JAK1: variants seen among roughly 807,000 people sequenced by gnomAD.
JAK1 encodes Janus kinase 1, also known as tyrosine-protein kinase JAK1.
A neutral mutation model predicts 136.6 loss-of-function variants in JAK1; 16 were observed. The ratio of observed to expected loss-of-function variants is 0.12; its 90% CI spans 0.08 to 0.18. The LOEUF is 0.18. Ranked by LOEUF, JAK1 falls within the 10% of genes least tolerant of loss-of-function variation. The pLI is 1.00. For synonymous variants in JAK1, 492 were observed against 519.5 expected (o/e 0.95, Z 0.72); for missense variants, 859 against 1,450.1 (o/e 0.59, Z 6.62).
At chr1:65,067,326 A>G (rs1422869468) in intron 1 of JAK1, among the ~76,000 whole-genome samples, 1 of 148,410 alleles carries the variant, frequency 6.7e-6, no homozygotes, top group Non-Finnish European at 1.5e-5. Context: ...GCCGAGCCCC[A>G]CGGCTGCGTG....
intron 12 of JAK1, among the ~76,000 whole-genome samples, chr1:64,848,914 C>T (rs1655412964): frequency 6.6e-6 from 1 of 152,248 alleles, no homozygotes; most frequent in Non-Finnish European, 1.5e-5. Context: ...GATGCATCCA[C>T]CCTGTCTGCT....
intron 12 of JAK1, 82 bp from the exon 13 acceptor site, chr1:64,847,757 C>T (rs890266501): frequency 6.8e-7 from 1 of 1,479,492 alleles, no homozygotes; most frequent in Non-Finnish European, 9.2e-7. Flanking sequence ...TCAATGGGAA[C>T]ATGGACTATC....
In JAK1 at chr1:64,894,913, C is replaced by G. The variant is rs372148462; in HGVS notation, c.-77-8572G>C. Among the ~76,000 whole-genome samples, 35 of 152,324 alleles carry G rather than the reference C, an allele frequency of 2.3e-4. 9 individuals are homozygous for G. The highest frequency in any genetic ancestry group is 3.9e-4 in the Admixed American group (6 of 15,298). ...TTTGAAACTGCCCTGCCAACAAAGA[C>G]TCCAATCTTAAACTGCTGGCAGAGC... On this transcript the variant is annotated intron_variant, in intron 1 of 24. Coordinates refer to ENST00000342505, the MANE Select transcript of JAK1 (RefSeq NM_002227.4).
rs1242022121 is a variant in JAK1 at position 64,843,257 on chromosome 1, C to T, written c.2403+807G>A. Among the ~76,000 whole-genome samples the T allele has an allele frequency of 3.3e-5, 5 of 152,316 alleles. No homozygotes were observed. In the East Asian group the frequency reaches 9.6e-4, roughly 29 times the overall value. On this transcript the variant is annotated intron_variant, in intron 17 of 24. Coordinates refer to ENST00000342505, the MANE Select transcript of JAK1 (RefSeq NM_002227.4). Reference sequence around the variant, plus strand: ...CCAGGCTCCCGACACAGCACTGAAACCAGGCTCTCACAGCCGAAACTGATG... The same window carrying T: ...CCAGGCTCCCGACACAGCACTGAAATCAGGCTCTCACAGCCGAAACTGATG...
At position 64,844,568 on chromosome 1, in the gene JAK1, C is replaced by T. The variant is rs1429934368; in HGVS notation, c.2251+186G>A. 2.0e-5 allele frequency among the ~76,000 whole-genome samples: 3 copies of T among 152,018 alleles called. No homozygotes were observed. Among genetic ancestry groups the T allele is most frequent in the Non-Finnish European group, 2.9e-5 (2 of 68,018 alleles). On this transcript the variant is annotated intron_variant, in intron 16 of 24. Transcript: ENST00000342505. This position sits in a 1 kb window ranked among gnomAD's most constrained non-coding sequence, Gnocchi z 5.7. The stretch of plus-strand genomic sequence containing the variant: ...CAGGGCAGGAGGACGAACGGGGGCT[C>T]GTTCAAGGACTTAAGAGAAGGCAGG...
intron 9 of JAK1, among the ~76,000 whole-genome samples, chr1:64,858,451 C>CAA (rs1656084514): frequency 6.6e-6 from 1 of 152,226 alleles, no homozygotes; most frequent in Non-Finnish European, 1.5e-5. Context: ...CATGCCTTTG[C>CAA]ATGTGCTGAC....
chr1:64,947,573 T>C (rs1646009569), intron 1 of JAK1, among the ~76,000 whole-genome samples: 3 of 151,252 alleles, frequency 2.0e-5, no homozygotes, highest in Admixed American at 2.0e-4. Context: ...TTGGAGTCCA[T>C]GAACCATGGG....
At chr1:65,058,848 C>T (rs1231034006) in intron 1 of JAK1, among the ~76,000 whole-genome samples, 1 of 152,092 alleles carries the variant, frequency 6.6e-6, no homozygotes, top group Non-Finnish European at 1.5e-5. Flanking sequence ...ACTGACTGTG[C>T]CTCCCTGACC....
intron 1 of JAK1, among the ~76,000 whole-genome samples, chr1:64,939,255 C>A (rs1225107433): frequency 1.3e-5 from 2 of 152,224 alleles, no homozygotes; most frequent in African/African-American, 2.4e-5. Flanking sequence ...AGCAACAGAT[C>A]TAGGCATGAA....
chr1:65,023,913 CTTTT>C (rs35481521), intron 2 of JAK1, among the ~76,000 whole-genome samples: 8 of 119,372 alleles, frequency 6.7e-5, no homozygotes, highest in Non-Finnish European at 1.0e-4. Context: ...TAGATTCATC[CTTTT>C]TTTTTTTTTT....
At chr1:64,929,160 G>A (rs1035669366) in intron 1 of JAK1, among the ~76,000 whole-genome samples, 5 of 152,214 alleles carry the variant, frequency 3.3e-5, no homozygotes, top group Non-Finnish European at 7.3e-5. Flanking sequence ...AGGCACATCT[G>A]CTGGCTTATG....
At chr1:64,874,175 G>C (rs1657249437) in intron 4 of JAK1, among the ~76,000 whole-genome samples, 1 of 152,102 alleles carries the variant, frequency 6.6e-6, no homozygotes, top group Non-Finnish European at 1.5e-5. Flanking sequence ...GGAAAACTGA[G>C]ATTCCAAGAG....
intron 17 of JAK1, 69 bp downstream of exon 17, chr1:64,843,995 A>T: frequency 6.4e-7 from 1 of 1,572,314 alleles, no homozygotes. Context: ...GGCTTCCGAC[A>T]ACTCCTGGGA....
intron 2 of JAK1, chr1:64,986,165 G>A (rs991720873): frequency 6.5e-6 from 3 of 464,032 alleles, no homozygotes; most frequent in African/African-American, 6.2e-5. Context: ...GAGTGCAGTG[G>A]GGCGATCTCA....
At chr1:64,994,738 T>C (rs1433052673) in intron 2 of JAK1, among the ~76,000 whole-genome samples, 3 of 152,078 alleles carry the variant, frequency 2.0e-5, no homozygotes, top group Non-Finnish European at 4.4e-5. Context: ...GGCCGAGAAG[T>C]GATTTGGAGC....
chr1:64,840,503 C>CT (rs1654825711), intron 19 of JAK1, among the ~76,000 whole-genome samples: 1 of 152,196 alleles, frequency 6.6e-6, no homozygotes, highest in South Asian at 2.1e-4. Context: ...CGCTGACACT[C>CT]TATTTTGGGA....
intron 1 of JAK1, among the ~76,000 whole-genome samples, chr1:64,919,305 CG>C: frequency 6.6e-6 from 1 of 152,186 alleles, no homozygotes; most frequent in Middle Eastern, 3.4e-3. Context: ...CTGAGAGTGA[CG>C]GTTTCCAGCT....
rs555347434 is a variant in JAK1 at position 64,833,409 on chromosome 1, G to T, written c.*1153C>A. The T allele has an allele frequency of 8.6e-6, 2 of 232,676 alleles. No individual in the cohort carries two copies. Among genetic ancestry groups the T allele is most frequent in the Non-Finnish European group, 1.7e-5 (2 of 117,454 alleles). 14.4% of individuals were successfully genotyped at this position (232,676 alleles called of 1,614,324 possible). A position where few individuals can be genotyped will look rare whatever the true frequency, so the allele number is the denominator to read the frequency against. ...CAGGTGAAAAGTAACAATATCAAACGAATACTAAACAGCATAACAAAAAGA... is the reference window on the plus strand; with the variant it reads ...CAGGTGAAAAGTAACAATATCAAACTAATACTAAACAGCATAACAAAAAGA... On this transcript the variant is annotated 3_prime_UTR_variant, in exon 25 of 25. Transcript: ENST00000342505.
chr1:65,047,411 TATCTC>T (rs1031668761), intron 1 of JAK1, among the ~76,000 whole-genome samples: 22 of 152,260 alleles, frequency 1.4e-4, no homozygotes, highest in African/African-American at 5.3e-4. Context: ...GGTAGGGACT[TATCTC>T]ATAACTAAAA....
Sources: allele counts gnomAD v4.1 joint callset (sites outside exome capture counted in the v4.1 genomes callset), GRCh38; gene constraint gnomAD v4.1.1; non-coding constraint Gnocchi (gnomAD v3.1); transcripts MANE v1.5; gene names NCBI Gene and HGNC (gene_info 2026-07-23, HGNC 2026-07-21).